The following HERC2 variants were observed in gnomAD, a reference collection of about 807,000 sequenced individuals.
HERC2 encodes the protein HECT and RLD domain containing E3 ubiquitin protein ligase 2, also known as E3 ubiquitin-protein ligase HERC2.
HERC2 carries 102 observed loss-of-function variants against 537.7 expected under a neutral mutation model. That is an observed-to-expected ratio of 0.19 (90% confidence interval 0.16 to 0.22). HERC2 has a LOEUF of 0.22. Ranked by LOEUF, HERC2 falls within the 10% of genes least tolerant of loss-of-function variation. The pLI is 1.00. For missense variants in HERC2, 4,236 were observed against 6,198.2 expected, an observed-to-expected ratio of 0.68 and a Z score of 10.63; for synonymous variants, 2,224 against 2,466.2, an observed-to-expected ratio of 0.90 and a Z score of 2.91.
At chr15:28,140,812 G>A (rs539407711) in intron 78 of HERC2, among the ~76,000 whole-genome samples, 72 of 151,554 alleles carry the variant, frequency 4.8e-4, no homozygotes, top group Admixed American at 1.4e-3. Flanking sequence ...ATGAGCCACC[G>A]CACCGGGTCA....
chr15:28,153,607 C>T (rs1566949517), intron 69 of HERC2, among the ~76,000 whole-genome samples: 1 of 152,092 alleles, frequency 6.6e-6, no homozygotes, highest in Non-Finnish European at 1.5e-5. Context: ...GCTGAGACTG[C>T]ACCACTGCAC....
intron 3 of HERC2, 41 bp downstream of exon 3, chr15:28,299,361 T>C (rs1194157516): frequency 1.3e-6 from 1 of 782,860 alleles, no homozygotes; most frequent in African/African-American, 1.7e-5. Flanking sequence ...CATTTTATAA[T>C]GGTCTTTACC....
chr15:28,142,011 ACATATTAGAAATGT>A (rs1303324565), intron 76 of HERC2, among the ~76,000 whole-genome samples, 165 bp from the exon 77 acceptor site: 1 of 152,220 alleles, frequency 6.6e-6, no homozygotes, highest in African/African-American at 2.4e-5. Context: ...ATCAAGTCTA[ACATATTAGAAATGT>A]CTAGACAGTA....
intron 83 of HERC2, among the ~76,000 whole-genome samples, chr15:28,128,991 A>G (rs575923446): frequency 3.3e-5 from 5 of 151,406 alleles, no homozygotes; most frequent in African/African-American, 1.2e-4. Context: ...TCTCTGACTG[A>G]CTCTTCTGCC....
At position 28,150,742 on chromosome 15, in the gene HERC2, G is replaced by A. The variant is rs144291917; in HGVS notation, c.10900+1935C>T. Reference sequence around the variant, plus strand: ...CTTCTAACTAACCGAGAACATCACCGAGAATGGCCACACGAACGTATATTC... The same window carrying A: ...CTTCTAACTAACCGAGAACATCACCAAGAATGGCCACACGAACGTATATTC... On this transcript the variant is annotated intron_variant, in intron 70 of 92. Transcript: ENST00000261609. Among the ~76,000 whole-genome samples, 14 of 151,652 alleles carry A rather than the reference G, an allele frequency of 9.2e-5. 1 individual carries two copies. The highest frequency in any genetic ancestry group is 2.6e-4 in the Admixed American group (4 of 15,186).
At chr15:28,150,110 A>T (rs1190559595) in intron 70 of HERC2, among the ~76,000 whole-genome samples, 1 of 152,032 alleles carries the variant, frequency 6.6e-6, no homozygotes, top group East Asian at 1.9e-4. Flanking sequence ...CGAAAAACAC[A>T]CACGGCTCCT....
At chr15:28,129,967 T>C (rs1412219038) in intron 83 of HERC2, among the ~76,000 whole-genome samples, 196 bp downstream of exon 83, 4 of 151,942 alleles carry the variant, frequency 2.6e-5, no homozygotes, top group Non-Finnish European at 5.9e-5. Context: ...GTAGAGATGA[T>C]GTTTACCGTG....
chr15:28,174,496 G>C lies in HERC2; in HGVS notation c.9956C>G (p.Ser3319Cys), dbSNP rs779756835. The C allele has an allele frequency of 1.2e-6, 2 of 1,614,014 alleles. No individual in the cohort carries two copies. The highest frequency in any genetic ancestry group is 2.7e-5 in the African/African-American group (2 of 75,070). ...QKITRVACGS[S>C]HSVAWTTVDV... ...CACAGTTGTCCACGCCACACTGTGG[G>C]ACGACCCACAAGCCACGCGTGTGAT... The change falls in exon 65 of 93, where the codon TCC becomes TGC. Residue 3319 changes from serine to cysteine, a missense_variant. Ser to Cys is a moderately radical substitution (Grantham distance 112). Transcript: ENST00000261609.
rs1023669856 is a variant in HERC2, at chr15:28,122,970, T to C, written c.13188+1067A>G. ...TTTTCCTCTGTGCTGCCTATTATCATCACCACTTTGAAGGATTAAAAAAAG... is the reference window on the plus strand; with the variant it reads ...TTTTCCTCTGTGCTGCCTATTATCACCACCACTTTGAAGGATTAAAAAAAG... On this transcript the variant is annotated intron_variant, in intron 85 of 92. Coordinates refer to ENST00000261609, the MANE Select transcript of HERC2 (RefSeq NM_004667.6). The surrounding 1 kb of genome is among the most constrained non-coding windows in gnomAD (Gnocchi z 4.1). Among the ~76,000 whole-genome samples, 1 of 152,166 alleles carries C rather than the reference T, an allele frequency of 6.6e-6. No individual in the cohort carries two copies. The highest frequency in any genetic ancestry group is 1.5e-5 in the Non-Finnish European group (1 of 68,032).
intron 2 of HERC2, among the ~76,000 whole-genome samples, chr15:28,318,366 C>A (rs2077145511): frequency 6.6e-6 from 1 of 152,178 alleles, no homozygotes; most frequent in Admixed American, 6.5e-5. Context: ...GTGGCTCACG[C>A]CTATAATCCC....
chr15:28,127,051 T>C (rs1342298667), intron 83 of HERC2, among the ~76,000 whole-genome samples: 1 of 152,184 alleles, frequency 6.6e-6, no homozygotes, highest in Non-Finnish European at 1.5e-5. Flanking sequence ...ACAAGGCTCA[T>C]GTTCTCTGGA....
At chr15:28,148,021 A>G (rs1891943686) in intron 70 of HERC2, among the ~76,000 whole-genome samples, 2 of 151,566 alleles carry the variant, frequency 1.3e-5, no homozygotes, top group African/African-American at 4.8e-5. Flanking sequence ...TGGGTGACAG[A>G]GCAAGACTGT....
At position 28,265,113 on chromosome 15, in the gene HERC2, T is replaced by C. The variant is rs988986564; in HGVS notation, c.1870+505A>G. Among the ~76,000 whole-genome samples the C allele has an allele frequency of 6.6e-6, 1 of 151,988 alleles. No individual in the cohort carries two copies. The highest frequency in any genetic ancestry group is 2.4e-5 in the African/African-American group (1 of 41,376). On this transcript the variant is annotated intron_variant, in intron 14 of 92. Transcript: ENST00000261609. The surrounding 1 kb of genome is among the most constrained non-coding windows in gnomAD (Gnocchi z 4.0). The stretch of plus-strand genomic sequence containing the variant: ...AGATGCCAAGGACAGACCACCACAA[T>C]ACTGAAAGACGAGTCATTTCTAAAA...
chr15:28,185,895 C>A (rs546149879), intron 56 of HERC2, among the ~76,000 whole-genome samples: 16 of 152,244 alleles, frequency 1.1e-4, no homozygotes, highest in African/African-American at 3.9e-4. Context: ...GTTCCCAGTA[C>A]ACATAACTGG....
At chr15:28,260,639 C>T in intron 16 of HERC2, 138 bp downstream of exon 16, 1 of 670,368 alleles carries the variant, frequency 1.5e-6, no homozygotes, top group Admixed American at 2.9e-5. Context: ...TACAGTGAAG[C>T]TCATAATAAA....
At chr15:28,307,611 T>C (rs2076825885) in intron 2 of HERC2, among the ~76,000 whole-genome samples, 1 of 152,264 alleles carries the variant, frequency 6.6e-6, no homozygotes, top group African/African-American at 2.4e-5. Context: ...CTGTTGGTCA[T>C]TCAGGAGCAT....
At chr15:28,182,623 T>G in intron 56 of HERC2, 111 bp from the exon 57 acceptor site, 1 of 808,680 alleles carries the variant, frequency 1.2e-6, no homozygotes, top group Middle Eastern at 3.7e-4. Context: ...ATGGTTACTT[T>G]CAGAAACTCT....
At chr15:28,247,468 G>A (rs1464251054) in intron 21 of HERC2, among the ~76,000 whole-genome samples, 5 of 112,012 alleles carry the variant, frequency 4.5e-5, no homozygotes, top group South Asian at 3.0e-4. Context: ...CACTCTTGTC[G>A]CCCAGGCTGG....
rs1895324827 is a variant in HERC2, at chr15:28,176,703, C to A, written c.9498G>T (p.Leu3166=). The A allele has an allele frequency of 6.2e-7, 1 of 1,614,128 alleles. No individual in the cohort carries two copies. Among genetic ancestry groups the A allele is most frequent in the Admixed American group, 1.7e-5 (1 of 60,004 alleles). The change falls in exon 62 of 93, where the codon CTG becomes CTT. Residue 3166 remains leucine, a synonymous_variant. Coordinates refer to ENST00000261609, the MANE Select transcript of HERC2 (RefSeq NM_004667.6). This position sits in a 1 kb window ranked among gnomAD's most constrained non-coding sequence, Gnocchi z 5.0. ...GCCACTCACCTTCATCGGTCAGAGC[C>A]AGGGTCTGCGCGTCTCTACTCCCAC... ...VACGSRDAQT[L]ALTDEGLVFS... is the part of the protein sequence containing the mutation.
Sources: gnomAD v4.1 joint callset for allele counts (sites outside exome capture counted in the v4.1 genomes callset) on GRCh38, gnomAD v4.1.1 for gene constraint, Gnocchi (gnomAD v3.1) non-coding constraint, MANE v1.5 for transcripts, NCBI Gene and HGNC (gene_info 2026-07-23, HGNC 2026-07-21) for gene names.